The following SDK2 variants were observed in gnomAD, a reference collection of about 807,000 sequenced individuals.
The protein encoded by SDK2 is protein sidekick-2.
Under a neutral mutation model 253.9 loss-of-function variants are expected in SDK2, and 105 were observed. The observed-to-expected ratio is 0.41, with a 90% CI of 0.35 to 0.49. The LOEUF (loss-of-function observed/expected upper bound fraction) is 0.49. Ranked by LOEUF, SDK2 falls within the 20% of genes least tolerant of loss-of-function variation. SDK2 has a pLI of 0.06. For synonymous variants in SDK2, 1,249 were observed against 1,234.9 expected (o/e 1.01, Z -0.24); for missense variants, 2,608 against 3,003.0 (o/e 0.87, Z 3.07).
intron 1 of SDK2, among the ~76,000 whole-genome samples, chr17:73,557,063 G>A (rs2045154503): frequency 6.6e-6 from 1 of 152,318 alleles, no homozygotes; most frequent in Middle Eastern, 3.4e-3. Flanking sequence ...ATGTGGGTTT[G>A]AATTCTCCAG....
chr17:73,440,147 G>A (rs897369608), intron 6 of SDK2, among the ~76,000 whole-genome samples: 6 of 141,146 alleles, frequency 4.3e-5, no homozygotes, highest in Non-Finnish European at 6.1e-5. Context: ...CACTCTTGTT[G>A]ACCAGGCTGG....
At chr17:73,350,215 A>ACCCGGGCACTGCTGGGCCTGGCCC (rs754407828) in intron 43 of SDK2, 22 bp downstream of exon 43, 1 of 1,572,106 alleles carries the variant, frequency 6.4e-7, no homozygotes. Flanking sequence ...CTGGCCCCCA[A>ACCCGGGCACTGCTGGGCCTGGCCC]CCCACGCAGA....
chr17:73,433,461 A>G (rs1031758717), intron 10 of SDK2, among the ~76,000 whole-genome samples: 1 of 152,040 alleles, frequency 6.6e-6, no homozygotes, highest in Admixed American at 6.6e-5. Context: ...TAATTTTGGT[A>G]TTTTTAGTAG....
chr17:73,423,468 C>T lies in SDK2; in HGVS notation c.1815G>A (p.Arg605=). The T allele has an allele frequency of 1.9e-6, 3 of 1,593,660 alleles. No homozygotes were observed. Among genetic ancestry groups the T allele is most frequent in the East Asian group, 2.3e-5 (1 of 43,956 alleles). ...HPVATLSTVE[R]RAINLTWTKP... ...TGGTCCACGTCAGGTTGATGGCTCG[C>T]CTTTCCACGGTGCTGAGAGTGGCCA... The change falls in exon 14 of 45, where the codon AGG becomes AGA. Residue 605 remains arginine, a synonymous_variant. Transcript: ENST00000392650.
At chr17:73,348,953 A>T (rs1165854938) in intron 43 of SDK2, among the ~76,000 whole-genome samples, 1 of 152,234 alleles carries the variant, frequency 6.6e-6, no homozygotes, top group Non-Finnish European at 1.5e-5. Context: ...GGCAACATGC[A>T]GGGTGAATGT....
At chr17:73,424,168 C>T in intron 12 of SDK2, 76 bp from the exon 13 acceptor site, 10 of 1,271,604 alleles carry the variant, frequency 7.9e-6, no homozygotes, top group Non-Finnish European at 1.1e-5. Context: ...GAAGCTTGTC[C>T]CGAGAAAATA....
At position 73,395,130 on chromosome 17, in the gene SDK2, G is replaced by A; in HGVS notation, c.3592+25C>T. On this transcript the variant is annotated intron_variant, in intron 25 of 44. Transcript: ENST00000392650. The surrounding 1 kb of genome is among the most constrained non-coding windows in gnomAD (Gnocchi z 4.3). ...GACCAAGGAGGGGACAGGCAGCAGG[G>A]TGGCTGGGTGTGAGGGGTTGGTACC... is the stretch of plus-strand genomic sequence containing the variant. 1 of 1,544,946 alleles carries A rather than the reference G, an allele frequency of 6.5e-7. No individual in the cohort carries two copies. Among genetic ancestry groups the A allele is most frequent in the Non-Finnish European group, 8.8e-7 (1 of 1,141,592 alleles).
chr17:73,455,835 C>G lies in SDK2; in HGVS notation c.479+71G>C, dbSNP rs2145661362. 1 of 1,465,778 alleles carries G rather than the reference C, an allele frequency of 6.8e-7. No individual in the cohort carries two copies. Among genetic ancestry groups the G allele is most frequent in the Non-Finnish European group, 9.1e-7 (1 of 1,103,548 alleles). The allele number at this position is 1,465,778 out of a possible 1,614,324, so 90.8% of individuals were successfully genotyped here. ...GGCCCTCCTCCACACTCAAGGGAGA[C>G]TTTATCTGGCCCCAAACCTCCTCCC... On this transcript the variant is annotated intron_variant, in intron 4 of 44. Transcript: ENST00000392650. The surrounding 1 kb of genome is among the most constrained non-coding windows in gnomAD (Gnocchi z 5.0).
At position 73,361,525 on chromosome 17, in the gene SDK2, G is replaced by A. The variant is rs993235646; in HGVS notation, c.5467+159C>T. 1.3e-5 allele frequency among the ~76,000 whole-genome samples: 2 copies of A among 152,122 alleles called. No individual in the cohort carries two copies. The highest frequency in any genetic ancestry group is 2.9e-5 in the Non-Finnish European group (2 of 68,012). On this transcript the variant is annotated intron_variant, in intron 39 of 44. Coordinates refer to ENST00000392650, the MANE Select transcript of SDK2 (RefSeq NM_001144952.2). The surrounding 1 kb of genome is among the most constrained non-coding windows in gnomAD (Gnocchi z 4.1). ...ATCAAAGCGTGGAGCCCGGGAGGAG[G>A]GAGCGGGGGGAGGGGTCACTGGGCA...
chr17:73,425,547 G>A (rs142559839), intron 12 of SDK2, among the ~76,000 whole-genome samples: 305 of 152,176 alleles, frequency 2.0e-3, no homozygotes, highest in African/African-American at 6.8e-3. Context: ...TGGCTCTGTC[G>A]CCCAGGCTGG....
intron 12 of SDK2, among the ~76,000 whole-genome samples, chr17:73,426,568 G>A (rs1328165093): frequency 6.6e-6 from 1 of 152,076 alleles, no homozygotes. Context: ...TGGTCCTTAT[G>A]GCAAAATGTT....
chr17:73,559,859 C>T (rs1000826463), intron 1 of SDK2, among the ~76,000 whole-genome samples: 1 of 152,216 alleles, frequency 6.6e-6, no homozygotes, highest in Non-Finnish European at 1.5e-5. Flanking sequence ...AACTCAAAGC[C>T]TTTAGTCCCT....
intron 18 of SDK2, among the ~76,000 whole-genome samples, chr17:73,413,314 A>G (rs919277911): frequency 1.3e-5 from 2 of 151,410 alleles, no homozygotes; most frequent in Non-Finnish European, 2.9e-5. Context: ...AGATCGGACC[A>G]TCTAGTTGCA....
At chr17:73,633,303 A>T (rs1412441269) in intron 1 of SDK2, among the ~76,000 whole-genome samples, 2 of 152,124 alleles carry the variant, frequency 1.3e-5, no homozygotes, top group Non-Finnish European at 2.9e-5. Flanking sequence ...AATTAAATAT[A>T]AAATAAAATT....
At chr17:73,385,667 A>C (rs1274750612) in intron 32 of SDK2, among the ~76,000 whole-genome samples, 180 bp downstream of exon 32, 1 of 152,200 alleles carries the variant, frequency 6.6e-6, no homozygotes, top group Non-Finnish European at 1.5e-5. Flanking sequence ...ATGTGTGGGC[A>C]CACGGTGTAT....
intron 3 of SDK2, among the ~76,000 whole-genome samples, chr17:73,457,367 C>T (rs2063536433): frequency 7.0e-6 from 1 of 142,144 alleles, no homozygotes; most frequent in Non-Finnish European, 1.5e-5. Flanking sequence ...TTCTTTCTTT[C>T]ATCTCACTCT....
rs1053281251 is a variant in SDK2 at position 73,642,746 on chromosome 17, C to T, written c.64+1279G>A. Among the ~76,000 whole-genome samples, 1 of 152,206 alleles carries T rather than the reference C, an allele frequency of 6.6e-6. No homozygotes were observed. Among genetic ancestry groups the T allele is most frequent in the African/African-American group, 2.4e-5 (1 of 41,450 alleles). ...TTTATGATGATCATAAAAATAATAA[C>T]TTTTATTACCCTACATTTATAGGGC... On this transcript the variant is annotated intron_variant, in intron 1 of 44. Transcript: ENST00000392650. The surrounding 1 kb of genome is among the most constrained non-coding windows in gnomAD (Gnocchi z 4.7).
intron 18 of SDK2, among the ~76,000 whole-genome samples, chr17:73,405,439 CAA>C (rs1230810012): frequency 1.6e-4 from 3 of 18,372 alleles, no homozygotes; most frequent in Non-Finnish European, 3.2e-4. Context: ...AACTCCTTCT[CAA>C]AAAAAAAAAA....
intron 1 of SDK2, among the ~76,000 whole-genome samples, chr17:73,574,749 A>C (rs1341134363): frequency 1.3e-5 from 2 of 152,156 alleles, no homozygotes; most frequent in Non-Finnish European, 2.9e-5. Context: ...GACACTTTCT[A>C]CCACCCTGGC....
Sources: gnomAD v4.1 joint callset for allele counts (sites outside exome capture counted in the v4.1 genomes callset) on GRCh38, gnomAD v4.1.1 for gene constraint, Gnocchi (gnomAD v3.1) non-coding constraint, MANE v1.5 for transcripts, NCBI Gene and HGNC (gene_info 2026-07-23, HGNC 2026-07-21) for gene names.